The following CEBPZ variants were observed in gnomAD, a reference collection of about 807,000 sequenced individuals.
CEBPZ encodes CCAAT/enhancer-binding protein zeta.
A neutral mutation model predicts 104.5 loss-of-function variants in CEBPZ; 78 were observed. The observed-to-expected ratio is 0.75, with a 90% CI of 0.62 to 0.90. CEBPZ has a LOEUF of 0.90. Among genes scored for constraint, CEBPZ ranks in the 40% least tolerant of loss-of-function variants. CEBPZ has a pLI of 0.00. For missense variants in CEBPZ, 1,439 were observed against 1,233.5 expected (o/e 1.17, Z -2.50); for synonymous variants, 470 against 427.0 (o/e 1.10, Z -1.24).
intron 2 of CEBPZ, among the ~76,000 whole-genome samples, chr2:37,225,510 C>T (rs916261403): frequency 6.9e-6 from 1 of 144,516 alleles, no homozygotes; most frequent in Non-Finnish European, 1.5e-5. Context: ...GGATTAAGGG[C>T]GGTGCAAGAT....
chr2:37,207,310 G>A (rs995549905), intron 13 of CEBPZ, among the ~76,000 whole-genome samples: 4 of 152,110 alleles, frequency 2.6e-5, no homozygotes, highest in African/African-American at 9.7e-5. Flanking sequence ...GGACTTAACA[G>A]ATACCTACGG....
chr2:37,220,670 G>C (rs548422128), intron 4 of CEBPZ, among the ~76,000 whole-genome samples, 197 bp from the exon 5 acceptor site: 3 of 152,302 alleles, frequency 2.0e-5, no homozygotes, highest in South Asian at 4.1e-4. Flanking sequence ...GAATAAAGCA[G>C]AGAACATGTT....
intron 11 of CEBPZ, 114 bp downstream of exon 11, chr2:37,212,221 A>G: frequency 9.3e-7 from 1 of 1,077,192 alleles, no homozygotes; most frequent in Non-Finnish European, 1.4e-6. Context: ...CCACTTCCCA[A>G]ACTTACTTGA....
intron 12 of CEBPZ, 101 bp downstream of exon 12, chr2:37,211,742 T>A: frequency 1.2e-6 from 1 of 816,332 alleles, no homozygotes. Context: ...GAGTATTAAT[T>A]TGAATACAGG....
chr2:37,212,626 C>G (rs1236493717), intron 10 of CEBPZ: 1 of 527,486 alleles, frequency 1.9e-6, no homozygotes, highest in Non-Finnish European at 3.3e-6. Flanking sequence ...TCGGCTCTTT[C>G]TACAGTTCTT....
intron 8 of CEBPZ, chr2:37,215,244 G>T: frequency 4.2e-6 from 1 of 239,498 alleles, no homozygotes. Context: ...TTTGCATCCA[G>T]GACCCAACTT....
intron 13 of CEBPZ, 93 bp downstream of exon 13, chr2:37,210,906 T>C (rs1677700853): frequency 2.9e-6 from 2 of 686,648 alleles, no homozygotes; most frequent in East Asian, 3.3e-5. Flanking sequence ...CTGAATTTTA[T>C]TAATCAAATT....
chr2:37,223,314 C>T lies in CEBPZ; in HGVS notation c.1737G>A (p.Val579=), dbSNP rs1195955724. The T allele has an allele frequency of 1.9e-6, 3 of 1,614,172 alleles. No individual in the cohort carries two copies. Among genetic ancestry groups the T allele is most frequent in the Non-Finnish European group, 2.5e-6 (3 of 1,180,034 alleles). The change falls in exon 3 of 16, where the codon GTG becomes GTA. Residue 579 remains valine, a synonymous_variant. Transcript: ENST00000234170. ...LVYKSLKADI[V]LRRVKAFVKR... ...TCACAAAAGCCTTCACCCGGCGCAA[C>T]ACAATGTCAGCTTTCAGAGATTTGT...
Position 37,213,769 on chromosome 2 carries a change from T to G in CEBPZ, c.2545+95A>C, listed in dbSNP as rs1186638105. 4 of 804,106 alleles carry G rather than the reference T, an allele frequency of 5.0e-6. No homozygotes were observed. The Admixed American group carries it at 1.2e-4, about 24-fold the overall frequency. 49.8% of individuals were successfully genotyped at this position (804,106 alleles called of 1,614,324 possible). On this transcript the variant is annotated intron_variant, in intron 10 of 15. Transcript: ENST00000234170. ...TGCATGATATTCTTAGCTAAGTGATTTTTTAAAACTAAGGCCACTTCTCCC... is the reference window on the plus strand; with the variant it reads ...TGCATGATATTCTTAGCTAAGTGATGTTTTAAAACTAAGGCCACTTCTCCC...
At chr2:37,205,345 G>C (rs1677500024) in intron 13 of CEBPZ, among the ~76,000 whole-genome samples, 1 of 152,120 alleles carries the variant, frequency 6.6e-6, no homozygotes, top group Non-Finnish European at 1.5e-5. Context: ...AAAATGGCCT[G>C]TTCCTGCCTT....
chr2:37,202,761 A>G (rs1677336470), intron 15 of CEBPZ, 23 bp downstream of exon 15: 7 of 1,437,654 alleles, frequency 4.9e-6, no homozygotes, highest in Non-Finnish European at 5.6e-6. Context: ...TAAAACATCA[A>G]TAAAAAAATT....
At chr2:37,204,466 T>C (rs963779731) in intron 13 of CEBPZ, 2 of 146,286 alleles carry the variant, frequency 1.4e-5, no homozygotes, top group Non-Finnish European at 3.0e-5. Context: ...TTAGTAGAGA[T>C]GGGGTTTCAT....
chr2:37,220,833 A>C (rs1163272841), intron 4 of CEBPZ, among the ~76,000 whole-genome samples: 1 of 151,982 alleles, frequency 6.6e-6, no homozygotes, highest in Non-Finnish European at 1.5e-5. Flanking sequence ...TCTTACAAAA[A>C]ATACAACAAA....
At chr2:37,214,394 T>G (rs1229716258) in intron 9 of CEBPZ, among the ~76,000 whole-genome samples, 1 of 152,150 alleles carries the variant, frequency 6.6e-6, no homozygotes, top group Non-Finnish European at 1.5e-5. Context: ...TCTATAACAG[T>G]GCACTGAATC....
chr2:37,230,715 C>T (rs1665049651), intron 1 of CEBPZ, among the ~76,000 whole-genome samples: 1 of 152,188 alleles, frequency 6.6e-6, no homozygotes, highest in African/African-American at 2.4e-5. Context: ...CACTCTGCCT[C>T]TGCTACACTG....
chr2:37,208,134 G>A (rs781284485), intron 13 of CEBPZ, among the ~76,000 whole-genome samples: 1 of 152,102 alleles, frequency 6.6e-6, no homozygotes, highest in East Asian at 1.9e-4. Flanking sequence ...CCAATAACAA[G>A]TAGCACGACT....
In CEBPZ at chr2:37,202,769, A is replaced by AT. The variant is rs944704107; in HGVS notation, c.3025+14dup. 4 of 1,502,552 alleles carry AT rather than the reference A, an allele frequency of 2.7e-6. No individual in the cohort carries two copies. The African/African-American group carries it at 5.7e-5, about 21-fold the overall frequency. The allele number at this position is 1,502,552 out of a possible 1,614,324, so 93.1% of individuals were successfully genotyped here. A position where few individuals can be genotyped will look rare whatever the true frequency, so the allele number is the denominator to read the frequency against. ...CTATTTTTAAAACATCAATAAAAAA[A>AT]TTTAAGTTACTTACTTGCATTATCT... On this transcript the variant is annotated intron_variant, in intron 15 of 15. Transcript: ENST00000234170.
rs761762549 is a variant in CEBPZ at position 37,231,569 on chromosome 2, G to C, written c.-2C>G. ...CAAAGGCTCCTTGACTGCGGCCATG[G>C]CGGGCAAAGCATACGCGCGTGAAAC... On this transcript the variant is annotated 5_prime_UTR_variant, in exon 1 of 16. Coordinates refer to ENST00000234170, the MANE Select transcript of CEBPZ (RefSeq NM_005760.3). 9.9e-6 allele frequency: 16 copies of C among 1,614,236 alleles called. No individual in the cohort carries two copies. The South Asian group carries it at 1.8e-4, about 18-fold the overall frequency.
chr2:37,229,050 A>T lies in CEBPZ; in HGVS notation c.157-14T>A, dbSNP rs1246482037. The T allele has an allele frequency of 2.0e-6, 3 of 1,489,148 alleles. No individual in the cohort carries two copies. Among genetic ancestry groups the T allele is most frequent in the Non-Finnish European group, 2.7e-6 (3 of 1,120,956 alleles). The allele number at this position is 1,489,148 out of a possible 1,614,324, so 92.2% of individuals were successfully genotyped here. ...AAGGTAATCTTGCTGCATTAAAAAC[A>T]TAAGTTAAAAATACATTACAAATGT... is the stretch of plus-strand genomic sequence containing the variant. On this transcript the variant is annotated splice_polypyrimidine_tract_variant and intron_variant, in intron 1 of 15. Coordinates refer to ENST00000234170, the MANE Select transcript of CEBPZ (RefSeq NM_005760.3).
Sources: allele counts gnomAD v4.1 joint callset (sites outside exome capture counted in the v4.1 genomes callset), GRCh38; gene constraint gnomAD v4.1.1; transcripts MANE v1.5; gene names NCBI Gene and HGNC (gene_info 2026-07-23, HGNC 2026-07-21).